Variants in PCDHA8 observed in about 807,000 individuals in gnomAD.
The protein encoded by PCDHA8 is protocadherin alpha 8.
A neutral mutation model predicts 61.8 loss-of-function variants in PCDHA8; 53 were observed. The observed-to-expected ratio is 0.86, with a 90% CI of 0.69 to 1.08. The LOEUF (loss-of-function observed/expected upper bound fraction) is 1.08. Ranked by LOEUF, PCDHA8 falls within the 50% of genes least tolerant of loss-of-function variation. The probability of loss-of-function intolerance (pLI) is 0.00; values close to 1 mark genes in which losing one functional copy is unlikely to be tolerated. For missense variants in PCDHA8, 1,293 were observed against 1,245.0 expected (o/e 1.04, Z -0.58); for synonymous variants, 618 against 556.6 (o/e 1.11, Z -1.55).
intron 1 of PCDHA8, chr5:140,927,052 A>G: frequency 6.2e-7 from 1 of 1,611,924 alleles, no homozygotes; most frequent in Middle Eastern, 1.7e-4. Flanking sequence ...GTCCTCGCGG[A>G]ACTTTCGCTT....
intron 3 of PCDHA8, among the ~76,000 whole-genome samples, chr5:140,990,735 C>T (rs1554251705): frequency 6.6e-6 from 1 of 152,112 alleles, no homozygotes; most frequent in African/African-American, 2.4e-5. Flanking sequence ...ATATCAACAG[C>T]CCTAGGGTGG....
intron 1 of PCDHA8, among the ~76,000 whole-genome samples, chr5:140,936,259 T>A (rs1327533719): frequency 6.6e-6 from 1 of 152,228 alleles, no homozygotes; most frequent in African/African-American, 2.4e-5. Context: ...CTTCAAGTCA[T>A]GAAGATATAT....
rs369562052 is a variant in PCDHA8, at chr5:140,877,058, A to G, written c.2394+33343A>G. On this transcript the variant is annotated intron_variant, in intron 1 of 3. Transcript: ENST00000531613. Reference sequence around the variant, plus strand: ...CAGCCGCTAGACCACGAGGAGCTGGAGCTGCTGCAGTTCCAGGTGAGCGCG... The same window carrying G: ...CAGCCGCTAGACCACGAGGAGCTGGGGCTGCTGCAGTTCCAGGTGAGCGCG... The G allele has an allele frequency of 1.9e-6, 3 of 1,612,726 alleles. No homozygotes were observed. The African/African-American group carries it at 4.0e-5, about 22-fold the overall frequency.
At chr5:140,905,116 C>A (rs570992369) in intron 1 of PCDHA8, among the ~76,000 whole-genome samples, 1 of 152,282 alleles carries the variant, frequency 6.6e-6, no homozygotes, top group Non-Finnish European at 1.5e-5. Context: ...TTGCCTAAGC[C>A]AATGTCTAGA....
At chr5:140,862,646 C>A (rs2047467861) in intron 1 of PCDHA8, 1 of 541,802 alleles carries the variant, frequency 1.8e-6, no homozygotes, top group Admixed American at 1.9e-5. Flanking sequence ...TTCACAGTGT[C>A]CGCGCGGGAC....
Position 140,883,556 on chromosome 5 carries a change from G to C in PCDHA8, c.2394+39841G>C, listed in dbSNP as rs144498761. ...TGAACTGGTGGTGACCGCGCGGGAC[G>C]GGGGCTCGCCTTCGCTGTGGGCCAC... On this transcript the variant is annotated intron_variant, in intron 1 of 3. Transcript: ENST00000531613. The C allele has an allele frequency of 2.1e-4, 339 of 1,614,184 alleles. 1 individual carries two copies. In the Middle Eastern group the frequency reaches 8.9e-3, roughly 42 times the overall value.
intron 1 of PCDHA8, chr5:140,870,432 G>T (rs368823990): frequency 4.3e-6 from 7 of 1,614,134 alleles, no homozygotes; most frequent in Non-Finnish European, 5.1e-6. Flanking sequence ...TATCCGTGGA[G>T]GTGGCCGACG....
chr5:140,941,421 A>T (rs1399072425), intron 1 of PCDHA8, among the ~76,000 whole-genome samples: 1 of 149,518 alleles, frequency 6.7e-6, no homozygotes, highest in Non-Finnish European at 1.5e-5. Flanking sequence ...GGTTCAAGCA[A>T]TTCTCTGCCT....
chr5:141,009,533 G>T (rs1410740655), intron 3 of PCDHA8, 94 bp from the exon 4 acceptor site: 1 of 1,509,328 alleles, frequency 6.6e-7, no homozygotes, highest in African/African-American at 1.4e-5. Context: ...GGGAGGTTCA[G>T]CCTGCCTATG....
chr5:140,870,554 A>G (rs1554164402), intron 1 of PCDHA8: 1 of 1,614,044 alleles, frequency 6.2e-7, no homozygotes, highest in Non-Finnish European at 8.5e-7. Flanking sequence ...GCGGACGCGC[A>G]GGAGAACGCG....
chr5:140,966,845 C>T, intron 1 of PCDHA8: 2 of 1,570,442 alleles, frequency 1.3e-6, no homozygotes, highest in South Asian at 2.3e-5. Context: ...GCTGCTACTG[C>T]CTCTCCTGCT....
chr5:141,008,299 C>G (rs1223779122), intron 3 of PCDHA8, among the ~76,000 whole-genome samples: 9 of 152,238 alleles, frequency 5.9e-5, no homozygotes, highest in Non-Finnish European at 1.2e-4. Context: ...TGTACCCAAC[C>G]CTAAACTGTA....
Position 140,929,271 on chromosome 5 carries a change from A to G in PCDHA8, c.2395-49678A>G, listed in dbSNP as rs782266407. 9.9e-6 allele frequency: 16 copies of G among 1,610,716 alleles called. No individual in the cohort carries two copies. In the Admixed American group the frequency reaches 2.7e-4, roughly 27 times the overall value. On this transcript the variant is annotated intron_variant, in intron 1 of 3. Transcript: ENST00000531613. ...CTGGGGTAGGACTGAATTTGCCAAT[A>G]TCCTGTATTCAGATTCGGAATAGGA...
rs1439060369 is a variant in PCDHA8, at chr5:140,850,679, C to T, written c.2394+6964C>T. On this transcript the variant is annotated intron_variant, in intron 1 of 3. Transcript: ENST00000531613. ...TGCTGCGGTGCTCGGCGATGCCCAC[C>T]GAGGGCGAGTGCGCGCCTGGCAAGC... The T allele has an allele frequency of 1.4e-5, 22 of 1,598,378 alleles. 1 individual carries two copies. The highest frequency in any genetic ancestry group is 3.4e-5 in the Admixed American group (2 of 59,276).
At chr5:141,008,425 A>G (rs1195605563) in intron 3 of PCDHA8, among the ~76,000 whole-genome samples, 2 of 152,172 alleles carry the variant, frequency 1.3e-5, no homozygotes, top group East Asian at 1.9e-4. Context: ...CACTGGGATC[A>G]CTTTGCCCAG....
chr5:140,988,535 A>T (rs1426235004), intron 3 of PCDHA8, among the ~76,000 whole-genome samples: 2 of 152,164 alleles, frequency 1.3e-5, no homozygotes, highest in Non-Finnish European at 2.9e-5. Flanking sequence ...GGCTCCATCC[A>T]TTCATGACTT....
At chr5:140,959,956 G>A (rs78198535) in intron 1 of PCDHA8, among the ~76,000 whole-genome samples, 3,568 of 152,304 alleles carry the variant, frequency 0.023, 49 homozygotes, top group Middle Eastern at 0.034. Flanking sequence ...TCATAGGTAG[G>A]AGGTAGATGT....
intron 3 of PCDHA8, among the ~76,000 whole-genome samples, chr5:141,001,157 A>T (rs1554258022): frequency 6.6e-6 from 1 of 152,136 alleles, no homozygotes; most frequent in African/African-American, 2.4e-5. Flanking sequence ...TGATCTTAAT[A>T]AGTAAAATTT....
intron 1 of PCDHA8, chr5:140,869,566 G>A (rs782325882): frequency 1.9e-6 from 3 of 1,614,178 alleles, no homozygotes; most frequent in East Asian, 4.5e-5. Flanking sequence ...TTTTCCACTA[G>A]AGGGAGCTTC....
Sources: gnomAD v4.1 joint callset for allele counts (sites outside exome capture counted in the v4.1 genomes callset) on GRCh38, gnomAD v4.1.1 for gene constraint, MANE v1.5 for transcripts, NCBI Gene and HGNC (gene_info 2026-07-23, HGNC 2026-07-21) for gene names.